CASK: variants seen among roughly 807,000 people sequenced by gnomAD.
The protein encoded by CASK is peripheral plasma membrane protein CASK.
A neutral mutation model predicts 82.9 loss-of-function variants in CASK; 4 were observed. The ratio of observed to expected loss-of-function variants is 0.05; its 90% confidence interval spans 0.02 to 0.11. CASK has a LOEUF of 0.11. Among genes scored for constraint, CASK ranks in the 10% least tolerant of loss-of-function variants. CASK has a pLI of 1.00. For missense variants in CASK, 358 were observed against 720.9 expected (o/e 0.50, Z 5.76); for synonymous variants, 259 against 253.5 (o/e 1.02, Z -0.20).
intron 2 of CASK, among the ~76,000 whole-genome samples, chrX:41,813,190 G>C (rs5918251): frequency 0.16 from 17,742 of 110,292 alleles, 1,410 homozygotes; most frequent in Middle Eastern, 0.31. Flanking sequence ...AGATTCAATG[G>C]CATCCCCATC....
chrX:41,517,599 G>A lies in CASK; in HGVS notation c.*2821C>T, dbSNP rs867121495. On this transcript the variant is annotated 3_prime_UTR_variant, in exon 27 of 27. Coordinates refer to ENST00000378163, the MANE Select transcript of CASK (RefSeq NM_001367721.1). Reference sequence around the variant, plus strand: ...GGGTGGGGGAGAGAACCTTCAAAATGTGGCTCTCCAATACTTCAATTGACC... The same window carrying A: ...GGGTGGGGGAGAGAACCTTCAAAATATGGCTCTCCAATACTTCAATTGACC... 2.2e-5 allele frequency: 8 copies of A among 370,814 alleles called. No individual in the cohort carries two copies. Among genetic ancestry groups the A allele is most frequent in the Non-Finnish European group, 3.8e-5 (8 of 212,833 alleles). The allele number at this position is 370,814 out of a possible 1,213,427, so 30.6% of individuals were successfully genotyped here.
intron 9 of CASK, among the ~76,000 whole-genome samples, chrX:41,628,038 T>C (rs1166871661): frequency 8.9e-6 from 1 of 111,952 alleles, no homozygotes; most frequent in Non-Finnish European, 1.9e-5. Flanking sequence ...AAAATGGACT[T>C]ATCTTACAGG....
chrX:41,836,786 T>C (rs1003497941), intron 2 of CASK, among the ~76,000 whole-genome samples: 2 of 111,731 alleles, frequency 1.8e-5, no homozygotes, highest in African/African-American at 6.5e-5. Context: ...TTGCAAGCCA[T>C]AGTCAAGCAA....
chrX:41,579,751 G>A (rs1280127511), intron 14 of CASK, among the ~76,000 whole-genome samples: 2 of 111,056 alleles, frequency 1.8e-5, no homozygotes, highest in Non-Finnish European at 1.9e-5. Context: ...CATAGCATCT[G>A]AAATTAAGTT....
chrX:41,711,843 T>TG (rs1039344732), intron 5 of CASK, among the ~76,000 whole-genome samples: 3 of 111,452 alleles, frequency 2.7e-5, no homozygotes, highest in East Asian at 2.8e-4. Flanking sequence ...ACTGCAGGGG[T>TG]GGGGGGGCCA....
chrX:41,655,267 G>C (rs1433686301), intron 8 of CASK, among the ~76,000 whole-genome samples: 1 of 111,217 alleles, frequency 9.0e-6, no homozygotes, highest in Non-Finnish European at 1.9e-5. Context: ...AGAAGCTGGA[G>C]TGCTGGTAGG....
At chrX:41,640,977 CTT>C (rs933827422) in intron 8 of CASK, among the ~76,000 whole-genome samples, 22 of 49,714 alleles carry the variant, frequency 4.4e-4, no homozygotes, top group African/African-American at 1.5e-3. Context: ...GGTATCTCGT[CTT>C]TTTTTTTTTT....
At chrX:41,877,435 T>C (rs1231037944) in intron 1 of CASK, among the ~76,000 whole-genome samples, 1 of 111,473 alleles carries the variant, frequency 9.0e-6, no homozygotes, top group African/African-American at 3.3e-5. Flanking sequence ...GAGGAATGGT[T>C]TGTTCCCAAT....
chrX:41,566,313 C>T (rs1208853403), intron 16 of CASK, among the ~76,000 whole-genome samples: 1 of 111,783 alleles, frequency 8.9e-6, no homozygotes, highest in African/African-American at 3.3e-5. Context: ...TTGCAGATGA[C>T]ATGACTATAT....
chrX:41,872,399 C>T (rs2071721727), intron 1 of CASK, among the ~76,000 whole-genome samples: 1 of 111,686 alleles, frequency 9.0e-6, no homozygotes, highest in Admixed American at 9.5e-5. Context: ...TACTGCACTA[C>T]CAGGATTATC....
At chrX:41,757,663 C>T (rs1171461212) in intron 3 of CASK, among the ~76,000 whole-genome samples, 1 of 112,044 alleles carries the variant, frequency 8.9e-6, no homozygotes, top group African/African-American at 3.2e-5. Context: ...ACAAGTAGTG[C>T]TACCATGTCT....
intron 5 of CASK, among the ~76,000 whole-genome samples, chrX:41,715,750 C>T (rs781183923): frequency 3.6e-5 from 4 of 112,062 alleles, no homozygotes; most frequent in Non-Finnish European, 7.5e-5. Context: ...TGCAACAGTG[C>T]AGAGATAGGC....
chrX:41,782,134 A>G (rs1364448028), intron 3 of CASK, among the ~76,000 whole-genome samples: 2 of 111,869 alleles, frequency 1.8e-5, no homozygotes, highest in Non-Finnish European at 3.8e-5. Flanking sequence ...GAGTATTTAT[A>G]GGTGAAATTA....
chrX:41,823,574 T>C (rs985725767), intron 2 of CASK, among the ~76,000 whole-genome samples: 3 of 111,340 alleles, frequency 2.7e-5, no homozygotes, highest in Admixed American at 9.6e-5. Context: ...GAAATTGCTC[T>C]GGCCAAAGTT....
intron 1 of CASK, among the ~76,000 whole-genome samples, chrX:41,861,774 GTA>G (rs1269750332): frequency 1.0e-5 from 1 of 99,350 alleles, no homozygotes; most frequent in African/African-American, 3.7e-5. Context: ...CATATATAAT[GTA>G]TATATATTAC....
Position 41,738,654 on chromosome X carries a change from G to A in CASK, c.429+730C>T, listed in dbSNP as rs184746905. The stretch of plus-strand genomic sequence containing the variant: ...AACACTATGTATGTGCATGCTGGAG[G>A]TTAGAGAAAGGCCAGTGACAAAATA... On this transcript the variant is annotated intron_variant, in intron 5 of 26. Coordinates refer to ENST00000378163, the MANE Select transcript of CASK (RefSeq NM_001367721.1). Among the ~76,000 whole-genome samples, 26 of 112,004 alleles carry A rather than the reference G, an allele frequency of 2.3e-4. 1 individual carries two copies. Among genetic ancestry groups the A allele is most frequent in the Admixed American group, 1.2e-3 (13 of 10,497 alleles).
chrX:41,520,545 A>G lies in CASK; in HGVS notation c.2656T>C (p.Tyr886His), dbSNP rs763204661. ...QKESDILQRTYAHYFDLTIIN... is the reference protein window; with the variant it reads ...QKESDILQRTHAHYFDLTIIN... Reference sequence around the variant, plus strand: ...ATTGTGAGATCGAAGTAGTGTGCATATGTTCTCTGTAAGATGTCAGACTCC... The same window carrying G: ...ATTGTGAGATCGAAGTAGTGTGCATGTGTTCTCTGTAAGATGTCAGACTCC... Residue 886 changes from tyrosine to histidine, a missense_variant, in exon 27 of 27, where the codon TAT becomes CAT. Transcript: ENST00000378163. 5.8e-6 allele frequency: 7 copies of G among 1,206,492 alleles called. No homozygotes were observed. Among genetic ancestry groups the G allele is most frequent in the Admixed American group, 4.3e-5 (2 of 46,020 alleles).
intron 3 of CASK, among the ~76,000 whole-genome samples, chrX:41,772,714 T>C (rs991036253): frequency 9.0e-6 from 1 of 111,139 alleles, no homozygotes; most frequent in African/African-American, 3.3e-5. Flanking sequence ...AAGAGAACAA[T>C]AGAGGCCAGG....
chrX:41,683,197 G>T (rs1319768725), intron 5 of CASK: 1 of 111,160 alleles, frequency 9.0e-6, no homozygotes, highest in Non-Finnish European at 1.9e-5. Flanking sequence ...TGTTGCCCAG[G>T]CTGGAGCGCA....
Sources: allele counts gnomAD v4.1 joint callset (sites outside exome capture counted in the v4.1 genomes callset), GRCh38; gene constraint gnomAD v4.1.1; transcripts MANE v1.5; gene names NCBI Gene and HGNC (gene_info 2026-07-23, HGNC 2026-07-21).